The following TBCB variants were observed in gnomAD, a reference collection of about 807,000 sequenced individuals.
TBCB encodes tubulin-folding cofactor B.
In TBCB, 18 loss-of-function variants were observed where a neutral mutation model predicts 29.2. The ratio of observed to expected loss-of-function variants is 0.62; its 90% confidence interval spans 0.43 to 0.91. The LOEUF is 0.91. Among genes scored for constraint, TBCB ranks in the 40% least tolerant of loss-of-function variants. TBCB has a pLI of 0.00. For synonymous variants in TBCB, 172 were observed against 137.8 expected, an observed-to-expected ratio of 1.25 and a Z score of -1.74; for missense variants, 336 against 337.6, an observed-to-expected ratio of 1.00 and a Z score of 0.04.
chr19:36,115,337 C>A, upstream of TBCB: 1 of 570,860 alleles, frequency 1.8e-6, no homozygotes, highest in Non-Finnish European at 3.1e-6. Flanking sequence ...ATGGAAGGCC[C>A]CTCTGGATTG....
At chr19:36,118,496 A>C (rs770328765) in intron 2 of TBCB, 1 of 152,058 alleles carries the variant, frequency 6.6e-6, no homozygotes, top group Non-Finnish European at 1.5e-5. Context: ...GGAGTTCGAG[A>C]CGGTGAAACC....
intron 3 of TBCB, among the ~76,000 whole-genome samples, chr19:36,121,198 T>A (rs1291547255): frequency 5.1e-5 from 1 of 19,692 alleles, no homozygotes; most frequent in Non-Finnish European, 8.8e-5. Flanking sequence ...ACGGATCGAG[T>A]GTTGGGGGAG....
At chr19:36,120,492 C>A in intron 2 of TBCB, 1 of 551,186 alleles carries the variant, frequency 1.8e-6, no homozygotes. Flanking sequence ...GGGACAGAGG[C>A]AGCCTCTGGG....
intron 2 of TBCB, chr19:36,116,714 C>T (rs1048682435): frequency 6.6e-6 from 1 of 152,352 alleles, no homozygotes; most frequent in African/African-American, 2.4e-5. Flanking sequence ...CTGCAGCCTT[C>T]ACCTCCTGGG....
chr19:36,123,744 G>A (rs1011391313), intron 4 of TBCB, among the ~76,000 whole-genome samples: 4 of 152,126 alleles, frequency 2.6e-5, no homozygotes, highest in African/African-American at 4.8e-5. Flanking sequence ...GCGTGGTGGC[G>A]GGTGCCTGTG....
At chr19:36,123,938 A>G (rs1263536813) in intron 4 of TBCB, among the ~76,000 whole-genome samples, 5 of 152,128 alleles carry the variant, frequency 3.3e-5, no homozygotes, top group Admixed American at 6.6e-5. Context: ...TAGGAGTGGA[A>G]TCCCTGGGCC....
At chr19:36,124,704 C>T (rs571171724) in intron 4 of TBCB, among the ~76,000 whole-genome samples, 20 of 152,172 alleles carry the variant, frequency 1.3e-4, no homozygotes, top group Non-Finnish European at 1.3e-4. Flanking sequence ...CCACCACACC[C>T]GGCTAATTTT....
intron 3 of TBCB, 32 bp from the exon 4 acceptor site, chr19:36,121,495 C>G: frequency 6.5e-7 from 1 of 1,537,576 alleles, no homozygotes. Flanking sequence ...CCGGCCGACA[C>G]CCCAACTGAC....
At chr19:36,125,396 A>T (rs1033403549) in intron 4 of TBCB, 55 bp from the exon 5 acceptor site, 1 of 1,592,882 alleles carries the variant, frequency 6.3e-7, no homozygotes, top group African/African-American at 1.3e-5. Context: ...CTGAAATTTC[A>T]TGGGGATTTC....
upstream of TBCB, chr19:36,115,058 T>C (rs1973920607): frequency 1.7e-6 from 1 of 604,014 alleles, no homozygotes; most frequent in Admixed American, 3.0e-5. Context: ...CTTAGAGTAA[T>C]TGCTTCCAAT....
At chr19:36,124,821 G>T (rs1974110924) in intron 4 of TBCB, among the ~76,000 whole-genome samples, 1 of 152,188 alleles carries the variant, frequency 6.6e-6, no homozygotes, top group Non-Finnish European at 1.5e-5. Flanking sequence ...GGGATTACAG[G>T]CGTGAGCCAC....
chr19:36,115,162 A>C (rs973039832), upstream of TBCB: 5 of 561,914 alleles, frequency 8.9e-6, no homozygotes, highest in Non-Finnish European at 1.6e-5. Context: ...AACACTGAGC[A>C]TCCAGGACAG....
chr19:36,118,151 C>G (rs577883760), intron 2 of TBCB, among the ~76,000 whole-genome samples: 3 of 152,294 alleles, frequency 2.0e-5, no homozygotes, highest in African/African-American at 4.8e-5. Flanking sequence ...TCTTTTTTCT[C>G]TCGTTGATTA....
chr19:36,122,804 A>T (rs1974078221), intron 4 of TBCB, among the ~76,000 whole-genome samples: 1 of 151,640 alleles, frequency 6.6e-6, no homozygotes, highest in Non-Finnish European at 1.5e-5. Context: ...GTATTGTTAC[A>T]TGGGTGTGTT....
rs904092927 is a variant in TBCB at position 36,115,506 on chromosome 19, G to A, written c.-55G>A. 3.0e-5 allele frequency: 42 copies of A among 1,383,862 alleles called. No homozygotes were observed. Among genetic ancestry groups the A allele is most frequent in the Admixed American group, 8.3e-5 (4 of 48,264 alleles). The allele number at this position is 1,383,862 out of a possible 1,614,324, so 85.7% of individuals were successfully genotyped here. On this transcript the variant is annotated 5_prime_UTR_variant, in exon 1 of 6. Coordinates refer to ENST00000221855, the MANE Select transcript of TBCB (RefSeq NM_001281.3). ...CAGCAGCAGCGGCGGCGGCGGCTGCGGAGCGGGTGTGAGGCGGCTGGACCG... is the reference window on the plus strand; with the variant it reads ...CAGCAGCAGCGGCGGCGGCGGCTGCAGAGCGGGTGTGAGGCGGCTGGACCG...
intron 2 of TBCB, among the ~76,000 whole-genome samples, chr19:36,119,987 G>C (rs530407200): frequency 1.3e-5 from 2 of 150,896 alleles, no homozygotes; most frequent in East Asian, 2.0e-4. Flanking sequence ...ACCCACTCTA[G>C]AGCGTGAAGG....
intron 2 of TBCB, among the ~76,000 whole-genome samples, chr19:36,119,724 T>C (rs1974012415): frequency 6.6e-6 from 1 of 152,000 alleles, no homozygotes; most frequent in Non-Finnish European, 1.5e-5. Context: ...AAATGTCGTC[T>C]CTACTTAAAA....
At chr19:36,123,658 G>A (rs946986954) in intron 4 of TBCB, among the ~76,000 whole-genome samples, 4 of 152,112 alleles carry the variant, frequency 2.6e-5, no homozygotes, top group Admixed American at 2.6e-4. Context: ...CAGATCACCT[G>A]AGATCAGGAA....
intron 1 of TBCB, 144 bp downstream of exon 1, chr19:36,115,818 C>T: frequency 4.7e-6 from 5 of 1,065,470 alleles, no homozygotes; most frequent in Non-Finnish European, 6.7e-6. Flanking sequence ...CCGGTCGCGG[C>T]GGGGCGGGTC....
Sources: allele counts gnomAD v4.1 joint callset (sites outside exome capture counted in the v4.1 genomes callset), GRCh38; gene constraint gnomAD v4.1.1; transcripts MANE v1.5; gene names NCBI Gene and HGNC (gene_info 2026-07-23, HGNC 2026-07-21).